ELP4: variants seen among roughly 807,000 people sequenced by gnomAD.
ELP4 encodes the protein elongator acetyltransferase complex subunit 4.
A neutral mutation model predicts 48.9 loss-of-function variants in ELP4; 51 were observed. The observed-to-expected ratio is 1.04, with a 90% CI of 0.83 to 1.32. ELP4 has a LOEUF of 1.32. Ranked by LOEUF, ELP4 falls within the 40% of genes most tolerant of loss-of-function variation. The pLI is 0.00. For synonymous variants in ELP4, 210 were observed against 189.2 expected (o/e 1.11, Z -0.90); for missense variants, 519 against 514.6 (o/e 1.01, Z -0.08).
At chr11:31,694,572 A>G (rs1018333582) in intron 9 of ELP4, among the ~76,000 whole-genome samples, 2 of 152,122 alleles carry the variant, frequency 1.3e-5, no homozygotes, top group African/African-American at 4.8e-5. Flanking sequence ...GTAGCCTTGT[A>G]GCATAGTTTG....
intron 9 of ELP4, among the ~76,000 whole-genome samples, chr11:31,776,394 A>G (rs1364960155): frequency 6.6e-6 from 1 of 152,232 alleles, no homozygotes; most frequent in Admixed American, 6.5e-5. Context: ...TGAAGTGACC[A>G]TAACTTAGTC....
chr11:31,548,257 C>T (rs1400451919), intron 3 of ELP4, among the ~76,000 whole-genome samples: 1 of 152,192 alleles, frequency 6.6e-6, no homozygotes, highest in African/African-American at 2.4e-5. Context: ...AGCCCAAAAT[C>T]TCCTTAGCGG....
At chr11:31,671,671 G>A (rs1220085084) in intron 9 of ELP4, among the ~76,000 whole-genome samples, 1 of 152,100 alleles carries the variant, frequency 6.6e-6, no homozygotes, top group African/African-American at 2.4e-5. Context: ...ATACATATGA[G>A]TATTTAGATG....
intron 1 of ELP4, among the ~76,000 whole-genome samples, chr11:31,513,193 G>A (rs1424502192): frequency 6.6e-6 from 1 of 152,010 alleles, no homozygotes; most frequent in East Asian, 1.9e-4. Flanking sequence ...ATAATTAGCT[G>A]TATATTTAAG....
chr11:31,572,655 T>C (rs1957208289), intron 3 of ELP4, among the ~76,000 whole-genome samples: 1 of 152,206 alleles, frequency 6.6e-6, no homozygotes, highest in Admixed American at 6.5e-5. Context: ...TTACACATTC[T>C]TTTTATTGAA....
intron 3 of ELP4, among the ~76,000 whole-genome samples, chr11:31,544,010 C>T (rs1050107864): frequency 6.6e-6 from 1 of 152,110 alleles, no homozygotes; most frequent in Non-Finnish European, 1.5e-5. Context: ...GGAAAAAGAT[C>T]GGGGAGGAGC....
intron 9 of ELP4, among the ~76,000 whole-genome samples, chr11:31,670,484 T>A (rs901184140): frequency 1.3e-5 from 2 of 152,196 alleles, no homozygotes; most frequent in South Asian, 4.1e-4. Flanking sequence ...ACCATTCCTT[T>A]AGAAGATTTG....
chr11:31,604,686 G>A (rs777728445), intron 5 of ELP4, among the ~76,000 whole-genome samples: 7 of 151,874 alleles, frequency 4.6e-5, no homozygotes, highest in African/African-American at 9.7e-5. Flanking sequence ...TAGGCAAGGC[G>A]TTGTGAACCA....
intron 9 of ELP4, among the ~76,000 whole-genome samples, chr11:31,680,048 G>A (rs896500186): frequency 4.6e-5 from 7 of 151,930 alleles, no homozygotes; most frequent in Admixed American, 1.3e-4. Context: ...GCTTTTACTT[G>A]GGTAAGTTGT....
rs138877632 is a variant in ELP4 at position 31,602,620 on chromosome 11, C to T, written c.514-1148C>T. ...ACTTAAAAATTTTTATTTCTTATTA[C>T]TGTATAATTTCCTATTGGTAGGCAT... On this transcript the variant is annotated intron_variant, in intron 4 of 9. Transcript: ENST00000640961. Among the ~76,000 whole-genome samples, 5 of 151,992 alleles carry T rather than the reference C, an allele frequency of 3.3e-5. No homozygotes were observed. In the East Asian group the frequency reaches 9.6e-4, roughly 29 times the overall value.
intron 5 of ELP4, among the ~76,000 whole-genome samples, chr11:31,622,171 G>A (rs1463149608): frequency 6.6e-6 from 1 of 151,728 alleles, no homozygotes; most frequent in African/African-American, 2.4e-5. Context: ...TGTTATCTAT[G>A]TATAGATTTT....
chr11:31,628,552 T>C (rs950010526), intron 6 of ELP4: 1 of 152,078 alleles, frequency 6.6e-6, no homozygotes, highest in African/African-American at 2.4e-5. Flanking sequence ...TATTCGATGA[T>C]GAAAACACTA....
At chr11:31,677,806 C>A (rs1945961916) in intron 9 of ELP4, among the ~76,000 whole-genome samples, 1 of 152,132 alleles carries the variant, frequency 6.6e-6, no homozygotes, top group Admixed American at 6.5e-5. Context: ...TAATATCTTG[C>A]ATTAGAGTGG....
chr11:31,592,297 A>T (rs763280132), intron 3 of ELP4, among the ~76,000 whole-genome samples: 15 of 152,076 alleles, frequency 9.9e-5, no homozygotes, highest in Non-Finnish European at 1.9e-4. Flanking sequence ...GTAATCCAGC[A>T]CTTTGGGAGG....
intron 9 of ELP4, among the ~76,000 whole-genome samples, chr11:31,701,990 T>C (rs924177993): frequency 2.0e-5 from 3 of 152,138 alleles, no homozygotes; most frequent in Admixed American, 6.6e-5. Context: ...TATTGATGAA[T>C]TATGTTTCTG....
intron 9 of ELP4, among the ~76,000 whole-genome samples, chr11:31,715,462 C>A (rs1592247798): frequency 6.6e-6 from 1 of 152,270 alleles, no homozygotes; most frequent in East Asian, 1.9e-4. Flanking sequence ...AAAAGACATG[C>A]ACACAGTTAC....
At chr11:31,519,257 A>G (rs900533642) in intron 1 of ELP4, among the ~76,000 whole-genome samples, 1 of 152,214 alleles carries the variant, frequency 6.6e-6, no homozygotes, top group Non-Finnish European at 1.5e-5. Flanking sequence ...TGTGTATATT[A>G]TTCATAATAA....
At chr11:31,652,437 C>G (rs1256068993) in intron 9 of ELP4, 1 of 151,532 alleles carries the variant, frequency 6.6e-6, no homozygotes, top group Non-Finnish European at 1.5e-5. Flanking sequence ...AAATGCATAT[C>G]CAAACAGATA....
intron 5 of ELP4, among the ~76,000 whole-genome samples, chr11:31,623,950 A>G (rs897433675): frequency 1.3e-5 from 2 of 151,824 alleles, no homozygotes; most frequent in Non-Finnish European, 2.9e-5. Context: ...GCCAACACAT[A>G]TATGAAAAAG....
Sources: allele counts gnomAD v4.1 joint callset (sites outside exome capture counted in the v4.1 genomes callset), GRCh38; gene constraint gnomAD v4.1.1; transcripts MANE v1.5; gene names NCBI Gene and HGNC (gene_info 2026-07-23, HGNC 2026-07-21).